The following RALGPS2 variants were observed in gnomAD, a reference collection of about 807,000 sequenced individuals.
The protein encoded by RALGPS2 is Ral GEF with PH domain and SH3 binding motif 2, also known as ras-specific guanine nucleotide-releasing factor RalGPS2.
Under a neutral mutation model 86.8 loss-of-function variants are expected in RALGPS2, and 43 were observed. The ratio of observed to expected loss-of-function variants is 0.50; its 90% CI spans 0.39 to 0.64. RALGPS2 has a LOEUF of 0.64. RALGPS2 is among the 30% of genes least tolerant of loss of function. The probability of loss-of-function intolerance (pLI) is 0.00; values close to 1 mark genes in which losing one functional copy is unlikely to be tolerated. For missense variants in RALGPS2, 536 were observed against 694.6 expected (o/e 0.77, Z 2.57); for synonymous variants, 243 against 231.3 (o/e 1.05, Z -0.46).
intron 8 of RALGPS2, among the ~76,000 whole-genome samples, chr1:178,844,775 T>C (rs1656785298): frequency 6.6e-6 from 1 of 152,152 alleles, no homozygotes; most frequent in Non-Finnish European, 1.5e-5. Flanking sequence ...AACTAGAATA[T>C]TGTGAAAAAA....
Position 178,767,358 on chromosome 1 carries a change from C to CTTTTTTTTTTTTTTTTTTT in RALGPS2, c.-83-9319_-83-9301dup, listed in dbSNP as rs1159630163. ...AGTCTCTGAAGTTGCTGTCCTTTGG[C>CTTTTTTTTTTTTTTTTTTT]TTTTTTTTTTTTTTTTTTTTTTTGG... On this transcript the variant is annotated intron_variant, in intron 1 of 19. Coordinates refer to ENST00000367635, the MANE Select transcript of RALGPS2 (RefSeq NM_152663.5). Among the ~76,000 whole-genome samples the CTTTTTTTTTTTTTTTTTTT allele has an allele frequency of 5.1e-4, 36 of 70,452 alleles. 1 individual carries two copies. Among genetic ancestry groups the CTTTTTTTTTTTTTTTTTTT allele is most frequent in the Admixed American group, 9.7e-4 (6 of 6,182 alleles). The allele number at this position is 70,452 out of a possible 152,430, so 46.2% of individuals were successfully genotyped here. A position where few individuals can be genotyped will look rare whatever the true frequency, so the allele number is the denominator to read the frequency against.
intron 1 of RALGPS2, among the ~76,000 whole-genome samples, chr1:178,765,575 T>G (rs1652463371): frequency 6.6e-6 from 1 of 152,156 alleles, no homozygotes; most frequent in South Asian, 2.1e-4. Context: ...GCATTGTCAT[T>G]GATAACATTT....
chr1:178,866,520 T>C (rs1348342952), intron 8 of RALGPS2, among the ~76,000 whole-genome samples: 1 of 152,156 alleles, frequency 6.6e-6, no homozygotes, highest in African/African-American at 2.4e-5. Flanking sequence ...ACTCTGAGCT[T>C]ATAGATAATT....
At chr1:178,865,848 A>G (rs1427081002) in intron 8 of RALGPS2, 2 of 1,164,348 alleles carry the variant, frequency 1.7e-6, no homozygotes, top group Non-Finnish European at 2.4e-6. Context: ...AAAAGAATTC[A>G]TATTAATCTA....
In RALGPS2 at chr1:178,784,566, A is replaced by G. The variant is rs1653556548; in HGVS notation, c.162+44A>G. Reference sequence around the variant, plus strand: ...TCTTCTCCGGTTTTGCACATAATTTACATATTGGTGCTATTGAGTTAGAAT... The same window carrying G: ...TCTTCTCCGGTTTTGCACATAATTTGCATATTGGTGCTATTGAGTTAGAAT... On this transcript the variant is annotated intron_variant, in intron 3 of 19. Coordinates refer to ENST00000367635, the MANE Select transcript of RALGPS2 (RefSeq NM_152663.5). 4.9e-6 allele frequency: 7 copies of G among 1,433,536 alleles called. No individual in the cohort carries two copies. The African/African-American group carries it at 5.6e-5, about 11-fold the overall frequency. The allele number at this position is 1,433,536 out of a possible 1,614,324, so 88.8% of individuals were successfully genotyped here. A position where few individuals can be genotyped will look rare whatever the true frequency, so the allele number is the denominator to read the frequency against.
intron 1 of RALGPS2, among the ~76,000 whole-genome samples, chr1:178,748,648 T>G (rs1651475382): frequency 6.6e-6 from 1 of 151,324 alleles, no homozygotes; most frequent in Admixed American, 6.6e-5. Flanking sequence ...AGGTCAGGAG[T>G]TCGAGACCAG....
chr1:178,852,325 G>A (rs569129497), intron 8 of RALGPS2, among the ~76,000 whole-genome samples: 24 of 152,240 alleles, frequency 1.6e-4, no homozygotes, highest in South Asian at 8.3e-4. Context: ...TCCAAAGGGC[G>A]GGAACTTTGT....
At chr1:178,768,294 A>T (rs1652613431) in intron 1 of RALGPS2, among the ~76,000 whole-genome samples, 1 of 152,154 alleles carries the variant, frequency 6.6e-6, no homozygotes, top group Non-Finnish European at 1.5e-5. Flanking sequence ...GTTCCTTCTC[A>T]TCTGGAGACA....
chr1:178,813,828 G>A (rs987355260), intron 6 of RALGPS2, among the ~76,000 whole-genome samples: 1 of 152,018 alleles, frequency 6.6e-6, no homozygotes, highest in African/African-American at 2.4e-5. Flanking sequence ...ATTATCAAGT[G>A]GAATCTCTTG....
chr1:178,744,312 G>A (rs1446840480), intron 1 of RALGPS2, among the ~76,000 whole-genome samples: 1 of 152,148 alleles, frequency 6.6e-6, no homozygotes, highest in African/African-American at 2.4e-5. Context: ...TTCATTCTGG[G>A]TAGTCACTTT....
At chr1:178,769,406 G>T (rs978457133) in intron 1 of RALGPS2, among the ~76,000 whole-genome samples, 1 of 151,538 alleles carries the variant, frequency 6.6e-6, no homozygotes, top group Non-Finnish European at 1.5e-5. Flanking sequence ...TCTATGCATA[G>T]AAAGGGTGTA....
chr1:178,865,181 T>C, intron 8 of RALGPS2: 1 of 1,612,982 alleles, frequency 6.2e-7, no homozygotes, highest in African/African-American at 1.3e-5. Flanking sequence ...CCTCAAGCAC[T>C]GTTCTTCCAA....
intron 1 of RALGPS2, among the ~76,000 whole-genome samples, chr1:178,737,291 G>C (rs1208217978): frequency 6.6e-6 from 1 of 152,176 alleles, no homozygotes; most frequent in African/African-American, 2.4e-5. Flanking sequence ...TGTCGCCCAG[G>C]CTGAAGTGCC....
intron 8 of RALGPS2, among the ~76,000 whole-genome samples, chr1:178,854,824 A>G (rs780285492): frequency 6.6e-6 from 1 of 152,132 alleles, no homozygotes; most frequent in Admixed American, 6.5e-5. Flanking sequence ...AATTTCTTCA[A>G]ATTTTACAAG....
chr1:178,852,637 A>G (rs776238636), intron 8 of RALGPS2: 5 of 1,568,166 alleles, frequency 3.2e-6, no homozygotes, highest in East Asian at 4.5e-5. Context: ...TATTTAATGC[A>G]TAGAAGGTGA....
At chr1:178,878,414 G>A (rs1211892397) in intron 9 of RALGPS2, among the ~76,000 whole-genome samples, 4 of 152,090 alleles carry the variant, frequency 2.6e-5, no homozygotes, top group Admixed American at 1.3e-4. Flanking sequence ...AAAACTATCA[G>A]TGTGGAGATA....
chr1:178,791,285 T>TG (rs1653941242), intron 4 of RALGPS2, among the ~76,000 whole-genome samples: 1 of 142,224 alleles, frequency 7.0e-6, no homozygotes, highest in Non-Finnish European at 1.5e-5. Context: ...CACACCTGCC[T>TG]AATTTTTTTT....
intron 5 of RALGPS2, among the ~76,000 whole-genome samples, chr1:178,810,512 T>A (rs1654926006): frequency 6.6e-6 from 1 of 151,846 alleles, no homozygotes; most frequent in South Asian, 2.1e-4. Context: ...ATTGTTAAGA[T>A]TTCCATAGCA....
intron 15 of RALGPS2, among the ~76,000 whole-genome samples, chr1:178,892,839 G>T (rs1286531420): frequency 6.6e-6 from 1 of 152,104 alleles, no homozygotes; most frequent in Non-Finnish European, 1.5e-5. Flanking sequence ...TGTGGAGGCA[G>T]ATAAGGGTGG....
Sources: gnomAD v4.1 joint callset for allele counts (sites outside exome capture counted in the v4.1 genomes callset) on GRCh38, gnomAD v4.1.1 for gene constraint, MANE v1.5 for transcripts, NCBI Gene and HGNC (gene_info 2026-07-23, HGNC 2026-07-21) for gene names.